The following SAMMSON variants were observed in gnomAD, a reference collection of about 807,000 sequenced individuals.
SAMMSON encodes long intergenic non-protein coding RNA 1212.
chr3:70,161,870 T>G (rs2067616947), intron 4 of SAMMSON, among the ~76,000 whole-genome samples: 1 of 133,530 alleles, frequency 7.5e-6, no homozygotes, highest in South Asian at 3.0e-4. Context: ...CTTGAGTCAG[T>G]TTGAGTAATT....
intron 3 of SAMMSON, among the ~76,000 whole-genome samples, chr3:70,032,567 C>T (rs1310696886): frequency 6.6e-6 from 1 of 152,176 alleles, no homozygotes; most frequent in Non-Finnish European, 1.5e-5. Flanking sequence ...TATTTGACAG[C>T]TAGGGCTGCA....
intron 2 of SAMMSON, among the ~76,000 whole-genome samples, chr3:70,414,785 T>G (rs1244703427): frequency 6.6e-6 from 1 of 152,186 alleles, no homozygotes; most frequent in African/African-American, 2.4e-5. Flanking sequence ...GTGAACCTCA[T>G]CTACCTCATC....
In SAMMSON at chr3:70,347,643, A is replaced by T. The variant is rs569389872; in HGVS notation, n.740-6532A>T. Among the ~76,000 whole-genome samples, 12 of 152,326 alleles carry T rather than the reference A, an allele frequency of 7.9e-5. No homozygotes were observed. The South Asian group carries it at 2.5e-3, about 32-fold the overall frequency. On this transcript the variant is annotated intron_variant and non_coding_transcript_variant, in intron 7 of 9. Transcript: ENST00000642114. ...ACCAAATATTGTTCTAGGTACTTGG[A>T]TACAGACAGCAGTGAAAACAAGTCA...
At chr3:70,014,630 A>G (rs3849467) in intron 3 of SAMMSON, 69,980 of 152,002 alleles carry the variant, frequency 0.46, 17,258 homozygotes, top group East Asian at 0.63. Context: ...ACTCCATGGA[A>G]TTTCAAAAGG....
intron 4 of SAMMSON, among the ~76,000 whole-genome samples, chr3:70,168,003 T>C (rs1468740008): frequency 6.6e-6 from 1 of 151,994 alleles, no homozygotes; most frequent in Non-Finnish European, 1.5e-5. Flanking sequence ...AAAAATAGCA[T>C]CTTCACAGAA....
intron 4 of SAMMSON, among the ~76,000 whole-genome samples, chr3:70,088,367 T>C (rs1156593247): frequency 4.6e-5 from 7 of 152,152 alleles, no homozygotes; most frequent in South Asian, 2.1e-4. Context: ...AGAGAGTGGA[T>C]TAAGGGATAG....
chr3:70,090,756 G>C (rs1201168323), intron 4 of SAMMSON, among the ~76,000 whole-genome samples: 1 of 148,116 alleles, frequency 6.8e-6, no homozygotes, highest in Non-Finnish European at 1.5e-5. Context: ...ACCTTTCCAT[G>C]TCAAATTGCT....
chr3:70,428,932 C>G (rs1371263606), intron 2 of SAMMSON, among the ~76,000 whole-genome samples: 1 of 151,996 alleles, frequency 6.6e-6, no homozygotes, highest in Non-Finnish European at 1.5e-5. Flanking sequence ...AGATCATTGC[C>G]CTTATGGAAC....
chr3:70,182,917 T>TG (rs1701065264), intron 4 of SAMMSON, among the ~76,000 whole-genome samples: 1 of 151,820 alleles, frequency 6.6e-6, no homozygotes. Context: ...GGATTTTTTT[T>TG]GTAACTGTAT....
chr3:70,030,929 C>G (rs1302214350), intron 3 of SAMMSON, among the ~76,000 whole-genome samples: 1 of 152,106 alleles, frequency 6.6e-6, no homozygotes, highest in African/African-American at 2.4e-5. Context: ...GAAATTGGAA[C>G]TCTTGTGCAT....
intron 4 of SAMMSON, among the ~76,000 whole-genome samples, chr3:70,112,845 G>A (rs2067395113): frequency 6.6e-6 from 1 of 152,078 alleles, no homozygotes; most frequent in South Asian, 2.1e-4. Context: ...TAGCAGACTT[G>A]GTTTTCTTTT....
chr3:70,358,342 A>G (rs1702845053), intron 9 of SAMMSON: 1 of 152,188 alleles, frequency 6.6e-6, no homozygotes, highest in African/African-American at 2.4e-5. Flanking sequence ...GAAATCTACT[A>G]TGGCATGAGT....
At chr3:70,053,680 A>G (rs1016773933) in intron 3 of SAMMSON, among the ~76,000 whole-genome samples, 1 of 152,128 alleles carries the variant, frequency 6.6e-6, no homozygotes, top group Admixed American at 6.6e-5. Flanking sequence ...AGTTCAGTTA[A>G]TTCCCAGGGA....
At chr3:70,342,931 C>A (rs1335913086) in intron 7 of SAMMSON, among the ~76,000 whole-genome samples, 2 of 152,112 alleles carry the variant, frequency 1.3e-5, no homozygotes, top group African/African-American at 4.8e-5. Flanking sequence ...TCAGCATTGG[C>A]AAACATGAGT....
At chr3:70,077,220 C>T (rs576795559) in intron 4 of SAMMSON, among the ~76,000 whole-genome samples, 39 of 152,136 alleles carry the variant, frequency 2.6e-4, no homozygotes, top group African/African-American at 6.5e-4. Flanking sequence ...CTTTCATGGA[C>T]GATATCTGCT....
intron 6 of SAMMSON, among the ~76,000 whole-genome samples, chr3:70,285,037 C>T (rs1281414951): frequency 6.7e-6 from 1 of 148,776 alleles, no homozygotes; most frequent in Non-Finnish European, 1.5e-5. Context: ...TTATTTTTTA[C>T]TTATTTTTTT....
At chr3:70,118,211 T>C (rs6799367) in intron 4 of SAMMSON, among the ~76,000 whole-genome samples, 82,370 of 152,070 alleles carry the variant, frequency 0.54, 23,329 homozygotes, top group East Asian at 0.95. Flanking sequence ...CGTGAGCCAC[T>C]GTGCCTGGCC....
At chr3:70,231,641 A>G (rs1236876603) in intron 4 of SAMMSON, among the ~76,000 whole-genome samples, 1 of 152,112 alleles carries the variant, frequency 6.6e-6, no homozygotes, top group East Asian at 1.9e-4. Context: ...GATTTGCTTA[A>G]TCAGGGAAAC....
rs143491287 is a variant in SAMMSON, at chr3:70,228,769, A to G, written n.508-20338A>G. Among the ~76,000 whole-genome samples, 532 of 151,664 alleles carry G rather than the reference A, an allele frequency of 3.5e-3. 7 individuals carry two copies. Among genetic ancestry groups the G allele is most frequent in the African/African-American group, 0.012 (503 of 41,358 alleles). ...TTTTTTTTTTTACTAACAACAGTCAAGTTTCATTTGCATTCTCCTTTTCTC... is the reference window on the plus strand; with the variant it reads ...TTTTTTTTTTTACTAACAACAGTCAGGTTTCATTTGCATTCTCCTTTTCTC... On this transcript the variant is annotated intron_variant and non_coding_transcript_variant, in intron 4 of 9. Transcript: ENST00000642114.
Sources: gnomAD v4.1 joint callset for allele counts (sites outside exome capture counted in the v4.1 genomes callset) on GRCh38, gnomAD v4.1.1 for gene constraint, MANE v1.5 for transcripts, NCBI Gene and HGNC (gene_info 2026-07-23, HGNC 2026-07-21) for gene names.